ERI3: variants seen among roughly 807,000 people sequenced by gnomAD.
ERI3 encodes the protein ERI1 exoribonuclease family member 3.
In ERI3, 18 loss-of-function variants were observed where a neutral mutation model predicts 44.4. The observed-to-expected ratio is 0.41, with a 90% CI of 0.28 to 0.60. The LOEUF (loss-of-function observed/expected upper bound fraction) is 0.60. ERI3 is among the 20% of genes least tolerant of loss of function. ERI3 has a pLI of 0.36. For missense variants in ERI3, 294 were observed against 435.5 expected, an observed-to-expected ratio of 0.68 and a Z score of 2.89; for synonymous variants, 183 against 164.8, an observed-to-expected ratio of 1.11 and a Z score of -0.84.
chr1:44,261,069 C>A (rs1644883421), intron 7 of ERI3, among the ~76,000 whole-genome samples: 1 of 152,244 alleles, frequency 6.6e-6, no homozygotes, highest in South Asian at 2.1e-4. Context: ...GCTGTTCTAG[C>A]CTGAAGTCTA....
intron 7 of ERI3, among the ~76,000 whole-genome samples, chr1:44,281,601 A>AAAAATATATATAT (rs1460400186): frequency 5.5e-5 from 7 of 128,026 alleles, no homozygotes; most frequent in African/African-American, 2.3e-4. Context: ...AAAAAAAAAA[A>AAAAATATATATAT]ATATATATAT....
At chr1:44,300,651 G>A (rs1449355387) in intron 6 of ERI3, among the ~76,000 whole-genome samples, 10 of 152,196 alleles carry the variant, frequency 6.6e-5, no homozygotes. Context: ...CCTACCCTCA[G>A]GCCTGCATCT....
At chr1:44,323,110 G>T (rs1646238574) in intron 3 of ERI3, 1 of 437,492 alleles carries the variant, frequency 2.3e-6, no homozygotes, top group African/African-American at 2.0e-5. Context: ...AGGAAGGAAG[G>T]AAGGACCAGT....
At chr1:44,290,276 T>C (rs1288060727) in intron 6 of ERI3, among the ~76,000 whole-genome samples, 2 of 152,172 alleles carry the variant, frequency 1.3e-5, no homozygotes, top group Non-Finnish European at 2.9e-5. Context: ...GGAGAGGCTC[T>C]GTCTTCTTCA....
intron 7 of ERI3, among the ~76,000 whole-genome samples, chr1:44,280,950 C>T (rs967972079): frequency 2.6e-5 from 4 of 152,162 alleles, no homozygotes; most frequent in Admixed American, 6.5e-5. Context: ...CTATTCAGAG[C>T]GATGGGGGTA....
At chr1:44,242,982 C>T (rs1644473547) in intron 8 of ERI3, among the ~76,000 whole-genome samples, 1 of 152,232 alleles carries the variant, frequency 6.6e-6, no homozygotes, top group Non-Finnish European at 1.5e-5. Context: ...GTACAAGCGT[C>T]TCCCTGAGCC....
intron 3 of ERI3, among the ~76,000 whole-genome samples, chr1:44,320,861 T>C (rs866414275): frequency 2.0e-5 from 3 of 152,236 alleles, no homozygotes; most frequent in Non-Finnish European, 4.4e-5. Flanking sequence ...AAAATTAGCA[T>C]GTGGAAAGGG....
intron 5 of ERI3, among the ~76,000 whole-genome samples, chr1:44,312,883 C>A (rs997752354): frequency 6.6e-6 from 1 of 152,260 alleles, no homozygotes; most frequent in African/African-American, 2.4e-5. Flanking sequence ...CATAGGCTAC[C>A]CCAGAGTCAG....
intron 3 of ERI3, among the ~76,000 whole-genome samples, chr1:44,329,518 T>C (rs564941512): frequency 2.0e-5 from 3 of 152,326 alleles, no homozygotes; most frequent in East Asian, 1.9e-4. Flanking sequence ...GCCTTTAAAA[T>C]GCCGCTAGTG....
chr1:44,292,086 T>C (rs1645518677), intron 6 of ERI3, among the ~76,000 whole-genome samples: 1 of 152,180 alleles, frequency 6.6e-6, no homozygotes, highest in African/African-American at 2.4e-5. Flanking sequence ...ATTCTGGCTA[T>C]AAGGAGATCG....
chr1:44,237,909 C>A (rs1483315603), intron 8 of ERI3, among the ~76,000 whole-genome samples: 2 of 152,090 alleles, frequency 1.3e-5, no homozygotes, highest in Non-Finnish European at 2.9e-5. Context: ...CGGCGGCCGG[C>A]AGCACTACCT....
At chr1:44,324,939 T>C (rs1646278107) in intron 3 of ERI3, among the ~76,000 whole-genome samples, 1 of 152,202 alleles carries the variant, frequency 6.6e-6, no homozygotes. Context: ...TCCAAACCTA[T>C]TGTACCTACT....
intron 8 of ERI3, among the ~76,000 whole-genome samples, chr1:44,237,571 T>C (rs975679428): frequency 6.6e-6 from 1 of 152,152 alleles, no homozygotes; most frequent in South Asian, 2.1e-4. Context: ...TTAAACTGAA[T>C]GAGGTCAGCC....
At position 44,241,866 on chromosome 1, in the gene ERI3, C is replaced by A; in HGVS notation, c.931+6073G>T. 5.6e-5 allele frequency: 40 copies of A among 708,812 alleles called. No homozygotes were observed. Among genetic ancestry groups the A allele is most frequent in the South Asian group, 1.3e-4 (2 of 15,524 alleles). 43.9% of individuals were successfully genotyped at this position (708,812 alleles called of 1,614,324 possible). On this transcript the variant is annotated intron_variant, in intron 8 of 8. Transcript: ENST00000372257. The surrounding 1 kb of genome is among the most constrained non-coding windows in gnomAD (Gnocchi z 5.6). Reference sequence around the variant, plus strand: ...TACATACATACAGGAGAACCTTCTTCCATCCATCTGTCCATCAACTCACCC... The same window carrying A: ...TACATACATACAGGAGAACCTTCTTACATCCATCTGTCCATCAACTCACCC...
rs535463482 is a variant in ERI3, at chr1:44,316,599, C to A, written c.606+3029G>T. The stretch of plus-strand genomic sequence containing the variant: ...TATCTCCAACACAATCGTATTCTGA[C>A]ACCAAGACAGTTTGTTGATTACATA... On this transcript the variant is annotated intron_variant, in intron 4 of 8. Transcript: ENST00000372257. Among the ~76,000 whole-genome samples the A allele has an allele frequency of 1.5e-4, 23 of 152,300 alleles. No homozygotes were observed. In the South Asian group the frequency reaches 1.9e-3, roughly 12 times the overall value.
intron 7 of ERI3, among the ~76,000 whole-genome samples, chr1:44,251,720 G>A (rs1216388322): frequency 3.9e-5 from 6 of 152,206 alleles, no homozygotes; most frequent in Non-Finnish European, 8.8e-5. Context: ...GCACAATAAA[G>A]GCTTGGGTGT....
chr1:44,310,951 TCGCGCG>T (rs141114785), intron 5 of ERI3, among the ~76,000 whole-genome samples: 1 of 95,026 alleles, frequency 1.1e-5, no homozygotes, highest in Non-Finnish European at 2.2e-5. Flanking sequence ...TATGTGCACA[TCGCGCG>T]CGCGCGCACA....
intron 6 of ERI3, among the ~76,000 whole-genome samples, chr1:44,302,144 A>C (rs1645739289): frequency 6.6e-6 from 1 of 152,204 alleles, no homozygotes; most frequent in South Asian, 2.1e-4. Context: ...TCATCTGCAC[A>C]CGTTCACTCC....
Position 44,320,103 on chromosome 1 carries a change from C to G in ERI3, c.490-359G>C, listed in dbSNP as rs78677421. On this transcript the variant is annotated intron_variant, in intron 3 of 8. Coordinates refer to ENST00000372257, the MANE Select transcript of ERI3 (RefSeq NM_024066.3). ...ACGCCCTTCTTTCTCTTGCCCAGGT[C>G]CCTGTCCTGAAATGGGTCTGATCTC... Among the ~76,000 whole-genome samples the G allele has an allele frequency of 8.3e-3, 1,270 of 152,322 alleles. 8 individuals are homozygous for G. The highest frequency in any genetic ancestry group is 0.013 in the Non-Finnish European group (863 of 68,034).
Sources: gnomAD v4.1 joint callset for allele counts (sites outside exome capture counted in the v4.1 genomes callset) on GRCh38, gnomAD v4.1.1 for gene constraint, Gnocchi (gnomAD v3.1) non-coding constraint, MANE v1.5 for transcripts, NCBI Gene and HGNC (gene_info 2026-07-23, HGNC 2026-07-21) for gene names.